The following EMID1 variants were observed in gnomAD, a reference collection of about 807,000 sequenced individuals.
EMID1 encodes EMI domain-containing protein 1.
Under a neutral mutation model 60.6 loss-of-function variants are expected in EMID1, and 40 were observed. That is an observed-to-expected ratio of 0.66 (90% confidence interval 0.51 to 0.86). The LOEUF (loss-of-function observed/expected upper bound fraction) is 0.86, where lower values mean the gene tolerates loss of function less well. EMID1 is among the 40% of genes least tolerant of loss of function. The pLI, the probability that EMID1 is intolerant of heterozygous loss-of-function variation, is 0.00. For synonymous variants in EMID1, 242 were observed against 231.0 expected, an observed-to-expected ratio of 1.05 and a Z score of -0.43; for missense variants, 585 against 597.1, an observed-to-expected ratio of 0.98 and a Z score of 0.21.
At chr22:29,234,027 C>A in intron 10 of EMID1, 110 bp from the exon 11 acceptor site, 1 of 1,260,032 alleles carries the variant, frequency 7.9e-7, no homozygotes, top group Non-Finnish European at 1.1e-6. Flanking sequence ...TGGTGAAGAA[C>A]CCAGAGGCCC....
intron 12 of EMID1, among the ~76,000 whole-genome samples, chr22:29,238,982 T>G (rs911424646): frequency 6.9e-6 from 1 of 144,848 alleles, no homozygotes; most frequent in Non-Finnish European, 1.5e-5. Context: ...GAAAATTCTG[T>G]CATTATTACT....
Position 29,232,315 on chromosome 22 carries a change from A to G in EMID1, c.736A>G (p.Arg246Gly). Residue 246 changes from arginine (R) to glycine (G), a missense_variant, in exon 8 of 15, where the codon AGG (arginine) becomes GGG (glycine). Transcript: ENST00000334018. ...RAGAVGTPGE[R>G]GPPGPPGPPG... ...TGGAGCTGTGGGCACCCCTGGAGAG[A>G]GGGGACCTCCTGGGCCACCAGGGCC... 1 of 1,610,592 alleles carries G rather than the reference A, an allele frequency of 6.2e-7. No homozygotes were observed. Among genetic ancestry groups the G allele is most frequent in the Non-Finnish European group, 8.5e-7 (1 of 1,179,412 alleles).
At chr22:29,254,005 G>T in intron 13 of EMID1, 198 bp from the exon 14 acceptor site, 2 of 985,408 alleles carry the variant, frequency 2.0e-6, no homozygotes, top group Non-Finnish European at 2.4e-6. Flanking sequence ...TCCTGCAGGG[G>T]TTGCTTCCTT....
intron 3 of EMID1, among the ~76,000 whole-genome samples, chr22:29,219,801 T>C (rs73399064): frequency 6.6e-6 from 1 of 151,962 alleles, no homozygotes; most frequent in Non-Finnish European, 1.5e-5. Context: ...AATTTTAAAA[T>C]AGCCTAAAAA....
At chr22:29,220,683 A>AT (rs763320557) in intron 3 of EMID1, among the ~76,000 whole-genome samples, 7 of 151,928 alleles carry the variant, frequency 4.6e-5, no homozygotes, top group Non-Finnish European at 1.0e-4. Flanking sequence ...AACTTTTCAC[A>AT]TCTCTAATCC....
chr22:29,250,613 C>G (rs2041489906), intron 13 of EMID1, among the ~76,000 whole-genome samples: 1 of 151,168 alleles, frequency 6.6e-6, no homozygotes, highest in African/African-American at 2.4e-5. Context: ...GTTGCCCAGG[C>G]TGGAGTGCAA....
chr22:29,240,433 C>G lies in EMID1; in HGVS notation c.1075-3012C>G, dbSNP rs187120140. On this transcript the variant is annotated intron_variant, in intron 12 of 14. Transcript: ENST00000334018. ...ATGTCTGGGGTCCAGGGTCAAGAACCCCTCGTGGCCTTTGGAACACCAAAC... is the reference window on the plus strand; with the variant it reads ...ATGTCTGGGGTCCAGGGTCAAGAACGCCTCGTGGCCTTTGGAACACCAAAC... 1.8e-3 allele frequency among the ~76,000 whole-genome samples: 276 copies of G among 152,164 alleles called. 4 individuals carry two copies. The highest frequency in any genetic ancestry group is 0.017 in the East Asian group (86 of 5,176).
chr22:29,254,618 A>C, intron 14 of EMID1: 1 of 282,928 alleles, frequency 3.5e-6, no homozygotes, highest in South Asian at 3.8e-5. Flanking sequence ...ATGGAACCAA[A>C]CTCCACTCCA....
intron 5 of EMID1, 34 bp downstream of exon 5, chr22:29,226,585 C>T: frequency 6.2e-7 from 1 of 1,601,474 alleles, no homozygotes; most frequent in Non-Finnish European, 8.5e-7. Flanking sequence ...GTGGTTGTTC[C>T]CTGCCACAGG....
chr22:29,225,077 G>A lies in EMID1; in HGVS notation c.320-56G>A, dbSNP rs371642813. 1,096 of 1,578,078 alleles carry A rather than the reference G, an allele frequency of 6.9e-4. 5 individuals carry two copies. The African/African-American group carries it at 0.012, about 18-fold the overall frequency. On this transcript the variant is annotated intron_variant, in intron 3 of 14. Coordinates refer to ENST00000334018, the MANE Select transcript of EMID1 (RefSeq NM_133455.4). ...GCTGGGGCTACAGTGGTGGGCAGGG[G>A]GGCCTGAGGAGGCAAGGATCACATG... is the stretch of plus-strand genomic sequence containing the variant.
At chr22:29,213,872 C>T (rs560608221) in intron 1 of EMID1, among the ~76,000 whole-genome samples, 14 of 152,256 alleles carry the variant, frequency 9.2e-5, no homozygotes, top group African/African-American at 3.4e-4. Flanking sequence ...TCTGGGATGG[C>T]GTCAGAGGCT....
intron 1 of EMID1, among the ~76,000 whole-genome samples, chr22:29,211,615 C>G (rs1257851922): frequency 6.6e-6 from 1 of 151,986 alleles, no homozygotes; most frequent in Non-Finnish European, 1.5e-5. Context: ...CACTGCCATG[C>G]ATATTTGCTC....
chr22:29,256,692 G>A (rs2041720621), intron 14 of EMID1, among the ~76,000 whole-genome samples: 3 of 152,082 alleles, frequency 2.0e-5, no homozygotes. Context: ...GAGCATGGAA[G>A]GATATGGATG....
In EMID1 at chr22:29,258,829, G is replaced by C. The variant is rs1424999311; in HGVS notation, c.1217G>C (p.Gly406Ala). ...TMIGLYEPEL[G>A]SGAGPAGTGT... ...TTCCCTCCGGCAGAACCAGAGCTGG[G>C]GTCTGGGGCGGGCCCTGCCGGCACA... Residue 406 changes from glycine to alanine, a missense_variant, in exon 15 of 15, where the codon GGG becomes GCG. Physicochemically the swap from Gly to Ala is moderately conservative, Grantham distance 60 (BLOSUM62 0). Transcript: ENST00000334018. 1 of 1,613,192 alleles carries C rather than the reference G, an allele frequency of 6.2e-7. No homozygotes were observed. Among genetic ancestry groups the C allele is most frequent in the Admixed American group, 1.7e-5 (1 of 60,004 alleles).
intron 4 of EMID1, among the ~76,000 whole-genome samples, chr22:29,225,750 T>C (rs2040482329): frequency 6.6e-6 from 1 of 152,192 alleles, no homozygotes; most frequent in African/African-American, 2.4e-5. Context: ...CTCTGAGCCG[T>C]GTCCTCAGGT....
chr22:29,231,584 A>G lies in EMID1; in HGVS notation c.587-9A>G, dbSNP rs1568987635. The G allele has an allele frequency of 1.3e-6, 2 of 1,544,726 alleles. No individual in the cohort carries two copies. The highest frequency in any genetic ancestry group is 1.7e-6 in the Non-Finnish European group (2 of 1,143,256). Reference sequence around the variant, plus strand: ...TGGAGCTGCCAGTCTGATATGCTTTACCCCCCAGACCAAGTCGGTGCTTGG... The same window carrying G: ...TGGAGCTGCCAGTCTGATATGCTTTGCCCCCCAGACCAAGTCGGTGCTTGG... On this transcript the variant is annotated splice_polypyrimidine_tract_variant and intron_variant, in intron 6 of 14. Coordinates refer to ENST00000334018, the MANE Select transcript of EMID1 (RefSeq NM_133455.4).
At chr22:29,243,401 CTCCTTGCCT>C in intron 12 of EMID1, 35 bp from the exon 13 acceptor site, 1 of 1,604,292 alleles carries the variant, frequency 6.2e-7, no homozygotes, top group Non-Finnish European at 8.5e-7. Context: ...CCCTTTCTGT[CTCCTTGCCT>C]TCCTCACTGC....
chr22:29,216,276 G>A (rs773430581), intron 3 of EMID1: 69 of 984,682 alleles, frequency 7.0e-5, no homozygotes, highest in Non-Finnish European at 8.3e-5. Context: ...GGGCCTCCCA[G>A]GAGCCTGGCC....
At chr22:29,231,551 A>G in intron 6 of EMID1, 42 bp from the exon 7 acceptor site, 4 of 1,543,420 alleles carry the variant, frequency 2.6e-6, no homozygotes, top group Non-Finnish European at 3.5e-6. Context: ...GGGGGTCAAG[A>G]GCAGATGTGG....
Sources: gnomAD v4.1 joint callset for allele counts (sites outside exome capture counted in the v4.1 genomes callset) on GRCh38, gnomAD v4.1.1 for gene constraint, MANE v1.5 for transcripts, NCBI Gene and HGNC (gene_info 2026-07-23, HGNC 2026-07-21) for gene names.